Variants in LANCL1 observed in about 807,000 individuals in gnomAD.
LANCL1 encodes the protein LanC like glutathione S-transferase 1, also known as glutathione S-transferase LANCL1.
LANCL1 carries 50 observed loss-of-function variants against 50.6 expected under a neutral mutation model. That is an observed-to-expected ratio of 0.99 (90% CI 0.79 to 1.25). The LOEUF is 1.25. Among genes scored for constraint, LANCL1 ranks in the 50% most tolerant of loss-of-function variants. The probability of loss-of-function intolerance (pLI) is 0.00; values close to 1 mark genes in which losing one functional copy is unlikely to be tolerated. For synonymous variants in LANCL1, 188 were observed against 178.6 expected (o/e 1.05, Z -0.42); for missense variants, 532 against 480.7 (o/e 1.11, Z -1.00).
chr2:210,474,933 C>A (rs1212426547), intron 2 of LANCL1, among the ~76,000 whole-genome samples: 2 of 152,106 alleles, frequency 1.3e-5, no homozygotes, highest in Non-Finnish European at 2.9e-5. Context: ...AGAATCTGCA[C>A]AGCTAAGCAG....
chr2:210,477,550 G>A, upstream of LANCL1: 1 of 1,314,980 alleles, frequency 7.6e-7, no homozygotes, highest in Admixed American at 3.5e-5. Flanking sequence ...TTTCAATGAA[G>A]AGTCCTAGCT....
chr2:210,459,764 A>ACAAG (rs1693789401), intron 3 of LANCL1, among the ~76,000 whole-genome samples: 1 of 151,810 alleles, frequency 6.6e-6, no homozygotes, highest in African/African-American at 2.4e-5. Context: ...AAACAAACAA[A>ACAAG]CAAACAAACA....
At chr2:210,441,499 T>C in intron 4 of LANCL1, 56 bp from the exon 5 acceptor site, 1 of 1,468,046 alleles carries the variant, frequency 6.8e-7, no homozygotes, top group African/African-American at 1.4e-5. Context: ...TATTGGTGTA[T>C]ACTTAAAAAT....
At chr2:210,438,041 T>C (rs1692997614) in intron 6 of LANCL1, among the ~76,000 whole-genome samples, 169 bp from the exon 7 acceptor site, 1 of 152,216 alleles carries the variant, frequency 6.6e-6, no homozygotes, top group Admixed American at 6.5e-5. Flanking sequence ...TTTTAAGCTT[T>C]TGTGATTTCA....
At chr2:210,454,223 C>T (rs768911617) in intron 4 of LANCL1, among the ~76,000 whole-genome samples, 3 of 4,926 alleles carry the variant, frequency 6.1e-4, no homozygotes, top group African/African-American at 3.8e-3. Context: ...CATACATACA[C>T]ACACACACAC....
At position 210,433,320 on chromosome 2, in the gene LANCL1, G is replaced by A. The variant is rs1360725095; in HGVS notation, c.*1167C>T. 2.0e-5 allele frequency: 3 copies of A among 152,142 alleles called. No individual in the cohort carries two copies. The allele number at this position is 152,142 out of a possible 1,614,324, so 9.4% of individuals were successfully genotyped here. On this transcript the variant is annotated 3_prime_UTR_variant, in exon 10 of 10. Transcript: ENST00000450366. Reference sequence around the variant, plus strand: ...GAAACTGATGAATTGTTAAGTCTAGGATACGCAAAGATGCATTTGTTCTAA... The same window carrying A: ...GAAACTGATGAATTGTTAAGTCTAGAATACGCAAAGATGCATTTGTTCTAA...
intron 3 of LANCL1, among the ~76,000 whole-genome samples, chr2:210,455,944 C>G (rs371044941): frequency 6.8e-4 from 103 of 151,098 alleles, no homozygotes; most frequent in African/African-American, 2.4e-3. Context: ...TTTTTTCTGT[C>G]GAGGGCCCAC....
intron 3 of LANCL1, among the ~76,000 whole-genome samples, chr2:210,465,398 T>C (rs1294916763): frequency 3.3e-5 from 5 of 152,192 alleles, no homozygotes; most frequent in Admixed American, 3.3e-4. Context: ...CCTGAACTGC[T>C]TGATATAATG....
At chr2:210,448,779 CAT>C (rs963594640) in intron 4 of LANCL1, among the ~76,000 whole-genome samples, 10 of 152,178 alleles carry the variant, frequency 6.6e-5, no homozygotes, top group Non-Finnish European at 2.9e-5. Flanking sequence ...TTCCTTGACA[CAT>C]ACACCCTCCC....
chr2:210,462,561 GC>G (rs948966497), intron 3 of LANCL1, among the ~76,000 whole-genome samples: 4 of 152,104 alleles, frequency 2.6e-5, no homozygotes, highest in African/African-American at 4.8e-5. Context: ...AGATCTTTAA[GC>G]CTTTTCAAAA....
chr2:210,439,489 C>T (rs1693051427), intron 6 of LANCL1, among the ~76,000 whole-genome samples: 1 of 152,104 alleles, frequency 6.6e-6, no homozygotes, highest in Non-Finnish European at 1.5e-5. Flanking sequence ...ACTCTTCTTT[C>T]CTGAAAGCTT....
chr2:210,459,526 T>C (rs1184920937), intron 3 of LANCL1, among the ~76,000 whole-genome samples: 1 of 152,178 alleles, frequency 6.6e-6, no homozygotes, highest in African/African-American at 2.4e-5. Context: ...TTAGTCATGC[T>C]AGCCACATTT....
At chr2:210,463,611 TTCAG>T (rs1328335640) in intron 3 of LANCL1, among the ~76,000 whole-genome samples, 3 of 152,152 alleles carry the variant, frequency 2.0e-5, no homozygotes, top group South Asian at 2.1e-4. Context: ...GGAACCAACA[TTCAG>T]TCAATCTATT....
Position 210,451,885 on chromosome 2 carries a change from G to A in LANCL1, c.407+3222C>T, listed in dbSNP as rs185589219. ...ACAAAGTTTTGATACATTCTATAAC[G>A]TAGATAAACCTTGAAGACACTATGC... On this transcript the variant is annotated intron_variant, in intron 4 of 9. Coordinates refer to ENST00000450366, the MANE Select transcript of LANCL1 (RefSeq NM_006055.3). 2.2e-3 allele frequency among the ~76,000 whole-genome samples: 334 copies of A among 152,262 alleles called. 1 individual carries two copies. In the Middle Eastern group the frequency reaches 0.051, roughly 23 times the overall value.
intron 4 of LANCL1, among the ~76,000 whole-genome samples, chr2:210,443,639 G>A (rs756891185): frequency 7.9e-5 from 12 of 152,064 alleles, no homozygotes; most frequent in African/African-American, 1.2e-4. Context: ...GCAGTGTGCC[G>A]TGCCTGTGCA....
At chr2:210,477,572 A>G (rs1694424521), upstream of LANCL1, 9 of 1,395,020 alleles carry the variant, frequency 6.5e-6, no homozygotes, top group Middle Eastern at 1.8e-4. Flanking sequence ...CAGACCTCCA[A>G]CTGGAGAAGC....
At chr2:210,454,033 A>G (rs1693588340) in intron 4 of LANCL1, among the ~76,000 whole-genome samples, 2 of 152,186 alleles carry the variant, frequency 1.3e-5, no homozygotes, top group South Asian at 4.1e-4. Flanking sequence ...ATGTATTTAA[A>G]AAAAGGTGTT....
intron 3 of LANCL1, chr2:210,468,790 C>T (rs1694144628): frequency 1.3e-5 from 2 of 152,232 alleles, no homozygotes; most frequent in Non-Finnish European, 2.9e-5. Flanking sequence ...GCTGGGGTTC[C>T]TATTAACATC....
chr2:210,441,845 C>A (rs1255118639), intron 4 of LANCL1, among the ~76,000 whole-genome samples: 5 of 151,930 alleles, frequency 3.3e-5, no homozygotes, highest in African/African-American at 1.2e-4. Flanking sequence ...TGGTTTATTT[C>A]TTAATGTGTC....
Sources: allele counts gnomAD v4.1 joint callset (sites outside exome capture counted in the v4.1 genomes callset), GRCh38; gene constraint gnomAD v4.1.1; transcripts MANE v1.5; gene names NCBI Gene and HGNC (gene_info 2026-07-23, HGNC 2026-07-21).